The following OPA1 variants were observed in gnomAD, a reference collection of about 807,000 sequenced individuals.
OPA1 encodes the protein OPA1 mitochondrial dynamin like GTPase, also known as dynamin-like GTPase OPA1, mitochondrial.
Under a neutral mutation model 152.9 loss-of-function variants are expected in OPA1, and 59 were observed. The ratio of observed to expected loss-of-function variants is 0.39; its 90% CI spans 0.31 to 0.48. The LOEUF (loss-of-function observed/expected upper bound fraction) is 0.48, where lower values mean the gene tolerates loss of function less well. Among genes scored for constraint, OPA1 ranks in the 20% least tolerant of loss-of-function variants. The pLI is 0.96. For missense variants in OPA1, 1,008 were observed against 1,216.8 expected, an observed-to-expected ratio of 0.83 and a Z score of 2.55; for synonymous variants, 400 against 389.9, an observed-to-expected ratio of 1.03 and a Z score of -0.31.
intron 9 of OPA1, among the ~76,000 whole-genome samples, chr3:193,636,972 A>G (rs181423162): frequency 5.9e-5 from 9 of 152,282 alleles, no homozygotes; most frequent in Admixed American, 5.2e-4. Flanking sequence ...GAATTAATTT[A>G]CTTTATTAAA....
chr3:193,644,172 T>A, intron 16 of OPA1, 67 bp downstream of exon 16: 1 of 1,574,034 alleles, frequency 6.4e-7, no homozygotes, highest in East Asian at 2.3e-5. Flanking sequence ...TAGGGATTTG[T>A]TATTTAAAAA....
At position 193,658,260 on chromosome 3, in the gene OPA1, AAAAAG is replaced by A. The variant is rs1333678060; in HGVS notation, c.2332-623_2332-619del. 3.1e-3 allele frequency among the ~76,000 whole-genome samples: 296 copies of A among 94,622 alleles called. 2 individuals carry two copies. Among genetic ancestry groups the A allele is most frequent in the Non-Finnish European group, 3.8e-3 (176 of 46,152 alleles). 62.1% of individuals were successfully genotyped at this position (94,622 alleles called of 152,430 possible). ...AACTCCGTTTTCAAAAAAAAAAAAAAAAAAGAAAGAAAACCATATTTATTCTTGTT... is the reference window on the plus strand; with the variant it reads ...AACTCCGTTTTCAAAAAAAAAAAAAAAAAGAAAACCATATTTATTCTTGTT... On this transcript the variant is annotated intron_variant, in intron 23 of 30. Transcript: ENST00000361510.
chr3:193,593,423 C>G lies in OPA1; in HGVS notation c.32+14C>G, dbSNP rs201927764. 5 of 1,533,488 alleles carry G rather than the reference C, an allele frequency of 3.3e-6. No individual in the cohort carries two copies. Among genetic ancestry groups the G allele is most frequent in the Middle Eastern group, 1.8e-4 (1 of 5,560 alleles). The allele number at this position is 1,533,488 out of a possible 1,614,324, so 95.0% of individuals were successfully genotyped here. A position where few individuals can be genotyped will look rare whatever the true frequency, so the allele number is the denominator to read the frequency against. ...CGCTGTGGCCTGGTAAGTGCAGGCT[C>G]TAATCTGGCCCCGTTAATTCTGGGG... On this transcript the variant is annotated intron_variant, in intron 1 of 30. Transcript: ENST00000361510.
intron 1 of OPA1, among the ~76,000 whole-genome samples, chr3:193,610,075 G>A (rs1039378474): frequency 1.3e-5 from 2 of 152,222 alleles, no homozygotes; most frequent in African/African-American, 2.4e-5. Context: ...TCCGTTGCTG[G>A]TGAGGAGCTG....
Position 193,637,254 on chromosome 3 carries a change from T to G in OPA1, c.1008T>G (p.Ser336Arg). The change falls in exon 10 of 31, where the codon AGT becomes AGG. Residue 336 changes from serine (S) to arginine (R), a missense_variant. Ser to Arg is a moderately radical substitution (Grantham distance 110). Transcript: ENST00000361510. ...ATGTTCTCTCTGATTATGATGCCAGTTATAATACGCAAGATCATCTGCCAC... is the reference window on the plus strand; with the variant it reads ...ATGTTCTCTCTGATTATGATGCCAGGTATAATACGCAAGATCATCTGCCAC... ...VLDVLSDYDA[S>R]YNTQDHLPRV... The G allele has an allele frequency of 6.2e-7, 1 of 1,607,844 alleles. No individual in the cohort carries two copies. The highest frequency in any genetic ancestry group is 8.5e-7 in the Non-Finnish European group (1 of 1,175,502).
chr3:193,668,336 C>T (rs1230748140), intron 29 of OPA1: 2 of 1,551,148 alleles, frequency 1.3e-6, no homozygotes, highest in Non-Finnish European at 1.7e-6. Flanking sequence ...TTCCCCAGCT[C>T]GGACTCAACA....
chr3:193,629,161 C>G (rs973497876), intron 7 of OPA1, among the ~76,000 whole-genome samples: 6 of 152,012 alleles, frequency 3.9e-5, no homozygotes, highest in African/African-American at 1.2e-4. Context: ...GATCCGCCTG[C>G]CTCGGCCTCC....
At chr3:193,669,116 G>A (rs1717347693) in intron 29 of OPA1, among the ~76,000 whole-genome samples, 1 of 152,194 alleles carries the variant, frequency 6.6e-6, no homozygotes. Context: ...TGCCTTCTAA[G>A]CTGAGTTGTA....
At chr3:193,601,274 T>C (rs1387383523) in intron 1 of OPA1, among the ~76,000 whole-genome samples, 6 of 152,150 alleles carry the variant, frequency 3.9e-5, no homozygotes, top group African/African-American at 1.2e-4. Flanking sequence ...TATCCTCGTC[T>C]ATTTCGAGGC....
intron 8 of OPA1, among the ~76,000 whole-genome samples, chr3:193,634,437 T>C (rs561243251): frequency 1.1e-3 from 168 of 152,170 alleles, no homozygotes; most frequent in African/African-American, 3.8e-3. Flanking sequence ...CTGATTTGTC[T>C]TCCCAGCTTT....
At chr3:193,600,847 C>T (rs1312722964) in intron 1 of OPA1, among the ~76,000 whole-genome samples, 5 of 152,154 alleles carry the variant, frequency 3.3e-5, no homozygotes, top group African/African-American at 4.8e-5. Flanking sequence ...ATAAACATAT[C>T]GTGGGTTCCT....
chr3:193,596,311 C>CA (rs1725505189), intron 1 of OPA1, among the ~76,000 whole-genome samples: 1 of 97,616 alleles, frequency 1.0e-5, no homozygotes, highest in African/African-American at 3.6e-5. Flanking sequence ...TTTTCTTTTC[C>CA]TTTCCTTTCC....
intron 1 of OPA1, among the ~76,000 whole-genome samples, chr3:193,609,559 T>C (rs1427586129): frequency 2.6e-5 from 4 of 152,174 alleles, no homozygotes; most frequent in Admixed American, 6.5e-5. Flanking sequence ...GCATTCTCTG[T>C]GTTTCCTGAA....
intron 1 of OPA1, among the ~76,000 whole-genome samples, chr3:193,594,123 C>G (rs918728546): frequency 6.6e-6 from 1 of 152,118 alleles, no homozygotes; most frequent in East Asian, 1.9e-4. Flanking sequence ...TCATAGAAAT[C>G]TTTTCATTTC....
chr3:193,620,436 A>C (rs2108900502), intron 6 of OPA1, among the ~76,000 whole-genome samples: 1 of 152,302 alleles, frequency 6.6e-6, no homozygotes, highest in South Asian at 2.1e-4. Flanking sequence ...TATTTTTGGA[A>C]ATTTAATTAT....
chr3:193,615,161 A>C, intron 2 of OPA1, 120 bp downstream of exon 2: 1 of 796,408 alleles, frequency 1.3e-6, no homozygotes, highest in Non-Finnish European at 2.1e-6. Context: ...TTGTGTCTCT[A>C]CCATGGACTA....
intron 19 of OPA1, among the ~76,000 whole-genome samples, chr3:193,647,604 T>C (rs1171684238): frequency 2.6e-5 from 4 of 152,248 alleles, no homozygotes; most frequent in Non-Finnish European, 5.9e-5. Context: ...TTGCTTTCTC[T>C]TTTCCCATAT....
intron 1 of OPA1, 39 bp downstream of exon 1, chr3:193,593,448 G>A: frequency 6.7e-7 from 1 of 1,503,252 alleles, no homozygotes; most frequent in African/African-American, 1.4e-5. Flanking sequence ...TAATTCTGGG[G>A]CCTCTTGAGA....
Position 193,692,063 on chromosome 3 carries a change from A to G in OPA1, c.2984A>G (p.Lys995Arg). 3 of 1,505,648 alleles carry G rather than the reference A, an allele frequency of 2.0e-6. No homozygotes were observed. The highest frequency in any genetic ancestry group is 2.7e-6 in the Non-Finnish European group (3 of 1,095,064). The allele number at this position is 1,505,648 out of a possible 1,614,324, so 93.3% of individuals were successfully genotyped here. ...GKRVQLAEDL[K>R]KVREIQEKLD... ...TTTTTCTTTATTTTTATCTCCACAG[A>G]GAAAGTTAGAGAAATTCAAGAAAAA... Residue 995 changes from lysine to arginine, a missense_variant and splice_region_variant, in exon 30 of 31, where the codon AAG becomes AGG. Coordinates refer to ENST00000361510, the MANE Select transcript of OPA1 (RefSeq NM_130837.3).
Sources: gnomAD v4.1 joint callset for allele counts (sites outside exome capture counted in the v4.1 genomes callset) on GRCh38, gnomAD v4.1.1 for gene constraint, MANE v1.5 for transcripts, NCBI Gene and HGNC (gene_info 2026-07-23, HGNC 2026-07-21) for gene names.